The following NLRP1 variants were observed in gnomAD, a reference collection of about 807,000 sequenced individuals.
NLRP1 encodes NACHT, LRR and PYD domains-containing protein 1.
Under a neutral mutation model 136.7 loss-of-function variants are expected in NLRP1, and 94 were observed. The ratio of observed to expected loss-of-function variants is 0.69; its 90% CI spans 0.58 to 0.82. The LOEUF (loss-of-function observed/expected upper bound fraction) is 0.82, where lower values mean the gene tolerates loss of function less well. Among genes scored for constraint, NLRP1 ranks in the 40% least tolerant of loss-of-function variants. The pLI, the probability that NLRP1 is intolerant of heterozygous loss-of-function variation, is 0.00. For missense variants in NLRP1, 1,575 were observed against 1,802.7 expected (o/e 0.87, Z 2.29); for synonymous variants, 690 against 725.1 (o/e 0.95, Z 0.78).
intron 11 of NLRP1, among the ~76,000 whole-genome samples, chr17:5,531,694 C>T (rs1453883382): frequency 1.3e-5 from 2 of 152,018 alleles, no homozygotes; most frequent in African/African-American, 4.8e-5. Context: ...ATGTCTGTGG[C>T]AGTGTTTGGT....
rs755349561 is a variant in NLRP1 at position 5,504,689 on chromosome 17, A to AT, written c.4070-2818dup. On this transcript the variant is annotated intron_variant, in intron 15 of 15. Coordinates refer to the NLRP1 transcript ENST00000262467. The surrounding 1 kb of genome is among the most constrained non-coding windows in gnomAD (Gnocchi z 4.4). ...ACTGACTGCTGGGGTTCTAACCCAC[A>AT]TCTCTCTGACCCAAGGGTAAGAGGT... 6.6e-6 allele frequency: 1 copy of AT among 152,158 alleles called. No homozygotes were observed. Among genetic ancestry groups the AT allele is most frequent in the Non-Finnish European group, 1.5e-5 (1 of 68,076 alleles). 9.4% of individuals were successfully genotyped at this position (152,158 alleles called of 1,614,324 possible). A position where few individuals can be genotyped will look rare whatever the true frequency, so the allele number is the denominator to read the frequency against.
chr17:5,551,464 T>C (rs1054052843), intron 5 of NLRP1, among the ~76,000 whole-genome samples: 1 of 152,254 alleles, frequency 6.6e-6, no homozygotes, highest in Admixed American at 6.5e-5. Flanking sequence ...GTTTTGGCAA[T>C]GATGAACAAA....
At chr17:5,533,763 G>T in intron 9 of NLRP1, 134 bp downstream of exon 9, 1 of 685,106 alleles carries the variant, frequency 1.5e-6, no homozygotes, top group South Asian at 1.7e-5. Flanking sequence ...GCTCTCTCGT[G>T]GGGGTAGCAC....
intron 15 of NLRP1, among the ~76,000 whole-genome samples, chr17:5,509,074 C>A (rs2151728495): frequency 6.6e-6 from 1 of 152,340 alleles, no homozygotes; most frequent in East Asian, 1.9e-4. Flanking sequence ...TAGCAACTAC[C>A]TGCTTAACAG....
chr17:5,525,043 G>C (rs1909359010), intron 12 of NLRP1, among the ~76,000 whole-genome samples: 2 of 152,214 alleles, frequency 1.3e-5, no homozygotes, highest in Admixed American at 1.3e-4. Flanking sequence ...GGGGAAGACT[G>C]TGGTCTGAAG....
intron 3 of NLRP1, among the ~76,000 whole-genome samples, chr17:5,571,326 T>C (rs1270372629): frequency 6.6e-6 from 1 of 152,200 alleles, no homozygotes; most frequent in Non-Finnish European, 1.5e-5. Flanking sequence ...GTATCTCTGT[T>C]TGCAGATGTT....
rs11078570 is a variant in NLRP1 at position 5,541,674 on chromosome 17, G to A, written c.2699+183C>T. On this transcript the variant is annotated intron_variant, in intron 6 of 16. Transcript: ENST00000572272. This position sits in a 1 kb window ranked among gnomAD's most constrained non-coding sequence, Gnocchi z 4.2. ...CTCTTGCTGTATTTGGAGCCTGGAG[G>A]CCCCCTCCCTCTGTCCAAGGGTGGA... 0.047 allele frequency among the ~76,000 whole-genome samples: 7,196 copies of A among 152,116 alleles called. 196 individuals carry two copies. Among genetic ancestry groups the A allele is most frequent in the Middle Eastern group, 0.085 (25 of 294 alleles).
intron 5 of NLRP1, among the ~76,000 whole-genome samples, chr17:5,542,302 T>C (rs12937062): frequency 0.047 from 7,191 of 152,284 alleles, 200 homozygotes; most frequent in Middle Eastern, 0.085. Context: ...TCTACAGGGC[T>C]CTGGGGACTT....
chr17:5,579,097 A>C (rs2151827557), intron 3 of NLRP1, among the ~76,000 whole-genome samples: 1 of 151,970 alleles, frequency 6.6e-6, no homozygotes, highest in Non-Finnish European at 1.5e-5. Flanking sequence ...AACATCACAC[A>C]CCAGGGCCTG....
chr17:5,565,144 A>G (rs1237198261), intron 3 of NLRP1, among the ~76,000 whole-genome samples: 1 of 152,134 alleles, frequency 6.6e-6, no homozygotes, highest in Non-Finnish European at 1.5e-5. Flanking sequence ...CACCCTCACA[A>G]GAATTTGTTC....
chr17:5,519,825 A>G (rs1018243448), intron 14 of NLRP1, among the ~76,000 whole-genome samples: 1 of 142,226 alleles, frequency 7.0e-6, no homozygotes, highest in Non-Finnish European at 1.5e-5. Context: ...AGCCAGAGGC[A>G]TCTTTATGAA....
At position 5,514,757 on chromosome 17, in the gene NLRP1, G is replaced by A; in HGVS notation, c.4419C>T (p.Ser1473=). 1 of 1,613,984 alleles carries A rather than the reference G, an allele frequency of 6.2e-7. No individual in the cohort carries two copies. The change falls in exon 17 of 17, where the codon AGC becomes AGT. Residue 1473 remains serine (S), a synonymous_variant. Coordinates refer to ENST00000572272, the MANE Select transcript of NLRP1 (RefSeq NM_033004.4). ...GSKKGLLPLS[S] is the part of the protein sequence containing the mutation. ...GTCAAGGGCTGGTGTTGATACTTCA[G>A]CTGCTGAGTGGCAGGAGTCCCTTTT... is the stretch of plus-strand genomic sequence containing the variant.
Position 5,559,306 on chromosome 17 carries a change from G to A in NLRP1, c.1390C>T (p.Gln464Ter). ...TGCTCCAAAGAAGGAATGAGGTTCT[G>A]CAGAGCTGTGGTCCGAGCCGTGATC... ...FLITARTTAL[Q>*]NLIPSLEQAR... Residue 464 changes from glutamine (Q) to a stop codon, truncating the protein, a stop_gained, in exon 4 of 17, where the codon CAG (glutamine) becomes TAG (stop). Transcript: ENST00000572272. LOFTEE classifies it high-confidence loss of function. 1.9e-6 allele frequency: 3 copies of A among 1,614,174 alleles called. No individual in the cohort carries two copies. Among genetic ancestry groups the A allele is most frequent in the Non-Finnish European group, 2.5e-6 (3 of 1,180,008 alleles).
At chr17:5,519,445 C>A (rs1479212889) in intron 14 of NLRP1, among the ~76,000 whole-genome samples, 3 of 131,790 alleles carry the variant, frequency 2.3e-5, no homozygotes, top group Non-Finnish European at 4.9e-5. Flanking sequence ...CACACCTGGC[C>A]TTTTTTTTTT....
intron 3 of NLRP1, among the ~76,000 whole-genome samples, chr17:5,577,880 C>A (rs1412127569): frequency 1.3e-5 from 2 of 152,144 alleles, no homozygotes; most frequent in African/African-American, 4.8e-5. Context: ...CTACAGTAAC[C>A]AAAACAGCAT....
At chr17:5,539,956 C>A (rs1487168430) in intron 6 of NLRP1, among the ~76,000 whole-genome samples, 1 of 152,188 alleles carries the variant, frequency 6.6e-6, no homozygotes, top group Non-Finnish European at 1.5e-5. Context: ...TCCCAGGCCT[C>A]CCAAAGTACT....
At chr17:5,543,898 T>C (rs1473745872) in intron 5 of NLRP1, among the ~76,000 whole-genome samples, 1 of 152,118 alleles carries the variant, frequency 6.6e-6, no homozygotes, top group African/African-American at 2.4e-5. Context: ...GTTTCATTGG[T>C]GTACAACCAG....
At chr17:5,556,111 T>TACACACACACACACACA (rs1263822879) in intron 4 of NLRP1, among the ~76,000 whole-genome samples, 2 of 131,436 alleles carry the variant, frequency 1.5e-5, no homozygotes, top group African/African-American at 5.8e-5. Context: ...TCTGTCTCTC[T>TACACACACACACACACA]CTCTACACAC....
rs915391490 is a variant in NLRP1 at position 5,542,086 on chromosome 17, C to T, written c.2529-59G>A. On this transcript the variant is annotated intron_variant, in intron 5 of 16. Coordinates refer to ENST00000572272, the MANE Select transcript of NLRP1 (RefSeq NM_033004.4). ...ACTCACCTGTTGATTCAACAGACAC[C>T]CATAAGCAACCATTAATCACCTACT... The T allele has an allele frequency of 2.6e-5, 39 of 1,511,302 alleles. 1 individual carries two copies. In the South Asian group the frequency reaches 3.3e-4, roughly 13 times the overall value. 93.6% of individuals were successfully genotyped at this position (1,511,302 alleles called of 1,614,324 possible).
Sources: gnomAD v4.1 joint callset for allele counts (sites outside exome capture counted in the v4.1 genomes callset) on GRCh38, gnomAD v4.1.1 for gene constraint, Gnocchi (gnomAD v3.1) non-coding constraint, MANE v1.5 for transcripts, NCBI Gene and HGNC (gene_info 2026-07-23, HGNC 2026-07-21) for gene names.